The following RNF216 variants were observed in gnomAD, a reference collection of about 807,000 sequenced individuals.
The protein encoded by RNF216 is ring finger protein 216.
In RNF216, 72 loss-of-function variants were observed where a neutral mutation model predicts 110.8. The observed-to-expected ratio is 0.65, with a 90% CI of 0.54 to 0.79. The LOEUF (loss-of-function observed/expected upper bound fraction) is 0.79, where lower values mean the gene tolerates loss of function less well. Among genes scored for constraint, RNF216 ranks in the 30% least tolerant of loss-of-function variants. The probability of loss-of-function intolerance (pLI) is 0.00; values close to 1 mark genes in which losing one functional copy is unlikely to be tolerated. For missense variants in RNF216, 1,342 were observed against 1,141.2 expected, an observed-to-expected ratio of 1.18 and a Z score of -2.54; for synonymous variants, 495 against 407.5, an observed-to-expected ratio of 1.21 and a Z score of -2.59.
At position 5,721,100 on chromosome 7, in the gene RNF216, C is replaced by G. The variant is rs996137713; in HGVS notation, c.1577G>C (p.Arg526Pro). ...TTGTTGCACAGCTGGAAGGAGAGCA[C>G]GTCGGTCATAGGACCTACAATGTCG... ...KRRHCRSYDR[R>P]ALLPAVQQEQ... The change falls in exon 9 of 17, where the codon CGT becomes CCT. Residue 526 changes from arginine (R) to proline (P), a missense_variant. Coordinates refer to ENST00000389902, the MANE Select transcript of RNF216 (RefSeq NM_207111.4). 1 of 1,613,698 alleles carries G rather than the reference C, an allele frequency of 6.2e-7. No individual in the cohort carries two copies. Among genetic ancestry groups the G allele is most frequent in the Non-Finnish European group, 8.5e-7 (1 of 1,179,734 alleles).
At chr7:5,678,859 G>A (rs1790476383) in intron 13 of RNF216, among the ~76,000 whole-genome samples, 1 of 152,210 alleles carries the variant, frequency 6.6e-6, no homozygotes, top group South Asian at 2.1e-4. Context: ...AAGAGGCAAA[G>A]GTCTGCAGAC....
chr7:5,707,829 TTCTC>T (rs1480051375), intron 13 of RNF216, among the ~76,000 whole-genome samples: 3 of 150,826 alleles, frequency 2.0e-5, no homozygotes, highest in Admixed American at 2.0e-4. Flanking sequence ...GTTCAAGCGA[TTCTC>T]TCCTGCCTCA....
intron 15 of RNF216, among the ~76,000 whole-genome samples, chr7:5,633,420 C>T (rs982799147): frequency 9.2e-5 from 14 of 152,094 alleles, no homozygotes; most frequent in East Asian, 2.0e-4. Flanking sequence ...TACTAAAATA[C>T]GAAAATTAGC....
At chr7:5,743,404 T>C (rs1173585901) in intron 3 of RNF216, among the ~76,000 whole-genome samples, 1 of 152,168 alleles carries the variant, frequency 6.6e-6, no homozygotes, top group Non-Finnish European at 1.5e-5. Flanking sequence ...CCTAGAGACA[T>C]TGTGAAGTTT....
intron 9 of RNF216, among the ~76,000 whole-genome samples, chr7:5,720,606 A>C (rs1793358784): frequency 6.6e-6 from 1 of 152,184 alleles, no homozygotes; most frequent in South Asian, 2.1e-4. Context: ...GCATAGTTAT[A>C]AGAGGTTTGA....
In RNF216 at chr7:5,770,393, G is replaced by A. The variant is rs535726198; in HGVS notation, c.-69-9255C>T. Among the ~76,000 whole-genome samples, 20 of 151,892 alleles carry A rather than the reference G, an allele frequency of 1.3e-4. No individual in the cohort carries two copies. In the South Asian group the frequency reaches 1.5e-3, roughly 11 times the overall value. ...GGAGAATCACTTGAACCTGGGAGGCGGAGGTTGTGGTGAGCCGAGATCATG... is the reference window on the plus strand; with the variant it reads ...GGAGAATCACTTGAACCTGGGAGGCAGAGGTTGTGGTGAGCCGAGATCATG... On this transcript the variant is annotated intron_variant, in intron 1 of 16. Transcript: ENST00000389902.
intron 1 of RNF216, among the ~76,000 whole-genome samples, chr7:5,764,872 G>A (rs1339138520): frequency 6.6e-6 from 1 of 151,956 alleles, no homozygotes; most frequent in Admixed American, 6.6e-5. Flanking sequence ...TTCGAGACCA[G>A]CCTGAGCAAA....
chr7:5,737,086 G>A (rs904009554), intron 5 of RNF216, among the ~76,000 whole-genome samples: 1 of 152,256 alleles, frequency 6.6e-6, no homozygotes, highest in Non-Finnish European at 1.5e-5. Flanking sequence ...TAGAAAAGGG[G>A]GAAATGTGGG....
intron 2 of RNF216, among the ~76,000 whole-genome samples, chr7:5,755,195 A>G (rs1338601324): frequency 7.6e-6 from 1 of 131,634 alleles, no homozygotes; most frequent in Non-Finnish European, 1.7e-5. Flanking sequence ...GAAGGAAGGA[A>G]GGAAGGGAGG....
intron 13 of RNF216, among the ~76,000 whole-genome samples, chr7:5,655,190 G>A (rs903180469): frequency 1.2e-4 from 18 of 152,232 alleles, no homozygotes; most frequent in Non-Finnish European, 2.4e-4. Flanking sequence ...GGAGCCAGGT[G>A]CATGTGAGGG....
rs555326240 is a variant in RNF216, at chr7:5,686,255, G to T, written c.2061+25506C>A. On this transcript the variant is annotated intron_variant, in intron 13 of 16. Coordinates refer to ENST00000389902, the MANE Select transcript of RNF216 (RefSeq NM_207111.4). ...AAAAAAAAAAAAAAAAAAATGGAGCGTGCTTCTCCAAACTCTCAAGAACAC... is the reference window on the plus strand; with the variant it reads ...AAAAAAAAAAAAAAAAAAATGGAGCTTGCTTCTCCAAACTCTCAAGAACAC... 2.7e-5 allele frequency among the ~76,000 whole-genome samples: 4 copies of T among 149,348 alleles called. 2 individuals carry two copies. The highest frequency in any genetic ancestry group is 9.9e-5 in the African/African-American group (4 of 40,234).
chr7:5,669,905 G>A (rs1310736094), intron 13 of RNF216, among the ~76,000 whole-genome samples: 4 of 151,768 alleles, frequency 2.6e-5, no homozygotes, highest in Non-Finnish European at 5.9e-5. Flanking sequence ...AAGTAAGTGA[G>A]ATTGTGGATG....
At chr7:5,737,575 T>C (rs905791574) in intron 5 of RNF216, among the ~76,000 whole-genome samples, 23 of 151,784 alleles carry the variant, frequency 1.5e-4, no homozygotes, top group African/African-American at 5.6e-4. Context: ...CTGATGACAG[T>C]GGTTGCCTCT....
At chr7:5,699,081 T>A (rs1399119672) in intron 13 of RNF216, among the ~76,000 whole-genome samples, 1 of 152,108 alleles carries the variant, frequency 6.6e-6, no homozygotes, top group Non-Finnish European at 1.5e-5. Flanking sequence ...TTTAAACATA[T>A]ACAAAAGCAG....
intron 14 of RNF216, among the ~76,000 whole-genome samples, chr7:5,644,205 C>T (rs534353720): frequency 2.6e-5 from 4 of 152,182 alleles, no homozygotes; most frequent in South Asian, 2.1e-4. Flanking sequence ...TACCTGAGAG[C>T]GGAACTGCTG....
intron 3 of RNF216, among the ~76,000 whole-genome samples, chr7:5,746,367 C>T (rs1469805406): frequency 1.3e-5 from 2 of 152,168 alleles, no homozygotes; most frequent in African/African-American, 2.4e-5. Flanking sequence ...GAGGTCTTTA[C>T]GGCTTGAGTC....
At chr7:5,678,617 A>G (rs191883174) in intron 13 of RNF216, among the ~76,000 whole-genome samples, 23 of 152,200 alleles carry the variant, frequency 1.5e-4, no homozygotes, top group Non-Finnish European at 2.6e-4. Flanking sequence ...AGTGCTTATA[A>G]GGAGGCCGGC....
chr7:5,694,301 G>A (rs1021049232), intron 13 of RNF216, among the ~76,000 whole-genome samples: 4 of 152,208 alleles, frequency 2.6e-5, no homozygotes, highest in African/African-American at 7.2e-5. Context: ...CATTCACACT[G>A]AGCTTGCTTC....
intron 13 of RNF216, among the ~76,000 whole-genome samples, chr7:5,684,187 C>G (rs1359546277): frequency 6.7e-6 from 1 of 149,020 alleles, no homozygotes; most frequent in Non-Finnish European, 1.5e-5. Flanking sequence ...ACTGCAAGCT[C>G]CACCTTCCAG....
Sources: allele counts gnomAD v4.1 joint callset (sites outside exome capture counted in the v4.1 genomes callset), GRCh38; gene constraint gnomAD v4.1.1; transcripts MANE v1.5; gene names NCBI Gene and HGNC (gene_info 2026-07-23, HGNC 2026-07-21).